The following ITPR2 variants were observed in gnomAD, a reference collection of about 807,000 sequenced individuals.
ITPR2 encodes inositol 1,4,5-trisphosphate receptor type 2.
A neutral mutation model predicts 317.1 loss-of-function variants in ITPR2; 207 were observed. That is an observed-to-expected ratio of 0.65 (90% confidence interval 0.58 to 0.73). The LOEUF is 0.73. Ranked by LOEUF, ITPR2 falls within the 30% of genes least tolerant of loss-of-function variation. The pLI is 0.00. For missense variants in ITPR2, 2,613 were observed against 3,284.0 expected (o/e 0.80, Z 4.99); for synonymous variants, 1,156 against 1,149.1 (o/e 1.01, Z -0.12).
intron 52 of ITPR2, 90 bp from the exon 53 acceptor site, chr12:26,400,348 T>C (rs1591991026): frequency 3.6e-6 from 2 of 548,520 alleles, no homozygotes; most frequent in Admixed American, 4.0e-5. Context: ...ATACAATAAA[T>C]ATACATACAT....
intron 2 of ITPR2, among the ~76,000 whole-genome samples, chr12:26,731,699 G>A (rs2137062819): frequency 6.6e-6 from 1 of 152,302 alleles, no homozygotes; most frequent in East Asian, 1.9e-4. Flanking sequence ...TCAGGAGGCT[G>A]AGACAAGAGG....
At chr12:26,539,038 C>T (rs4414322) in intron 37 of ITPR2, among the ~76,000 whole-genome samples, 86,033 of 152,084 alleles carry the variant, frequency 0.57, 28,274 homozygotes, top group Non-Finnish European at 0.76. Flanking sequence ...GCCTAGTCAA[C>T]AGCAGTTAAA....
At chr12:26,618,812 TATGTTAGAGAAA>T (rs61640346) in intron 26 of ITPR2, among the ~76,000 whole-genome samples, 54,456 of 151,810 alleles carry the variant, frequency 0.36, 10,860 homozygotes, top group African/African-American at 0.54. Flanking sequence ...TGTAATAATA[TATGTTAGAGAAA>T]ATGAATGAGT....
chr12:26,514,860 G>A (rs982652271), intron 37 of ITPR2, among the ~76,000 whole-genome samples: 4 of 152,078 alleles, frequency 2.6e-5, no homozygotes, highest in Non-Finnish European at 4.4e-5. Flanking sequence ...AATTTGTATT[G>A]TAGCTATGAC....
At chr12:26,387,335 T>C (rs544520132) in intron 55 of ITPR2, 99 bp downstream of exon 55, 19 of 1,125,688 alleles carry the variant, frequency 1.7e-5, no homozygotes, top group Admixed American at 2.2e-5. Context: ...CAAAAAATGA[T>C]TGCTACAATC....
chr12:26,427,106 TCCTAATTACAGATA>T (rs1721084114), intron 49 of ITPR2, among the ~76,000 whole-genome samples: 1 of 152,046 alleles, frequency 6.6e-6, no homozygotes, highest in Admixed American at 6.6e-5. Flanking sequence ...GGGAGACTAG[TCCTAATTACAGATA>T]CCAGAATGTA....
At chr12:26,458,953 TC>T (rs1341822345) in intron 45 of ITPR2, among the ~76,000 whole-genome samples, 1 of 152,282 alleles carries the variant, frequency 6.6e-6, no homozygotes, top group East Asian at 1.9e-4. Flanking sequence ...TAGCGGGCCT[TC>T]CCCGATGAGA....
At chr12:26,690,735 A>T (rs1409815144) in intron 10 of ITPR2, among the ~76,000 whole-genome samples, 4 of 152,146 alleles carry the variant, frequency 2.6e-5, no homozygotes, top group Non-Finnish European at 5.9e-5. Flanking sequence ...GTAGTCAGGG[A>T]CCTCTCTATT....
At chr12:26,540,064 T>C (rs186197166) in intron 37 of ITPR2, among the ~76,000 whole-genome samples, 3 of 152,326 alleles carry the variant, frequency 2.0e-5, no homozygotes, top group African/African-American at 4.8e-5. Flanking sequence ...TACCATTTTG[T>C]GGAGGGTGGG....
chr12:26,498,474 C>T (rs1942996237), intron 37 of ITPR2, among the ~76,000 whole-genome samples: 1 of 152,214 alleles, frequency 6.6e-6, no homozygotes, highest in Admixed American at 6.5e-5. Flanking sequence ...ATTACTGCGA[C>T]TCTCATTATA....
At chr12:26,813,829 C>A (rs1950799722) in intron 1 of ITPR2, among the ~76,000 whole-genome samples, 1 of 152,168 alleles carries the variant, frequency 6.6e-6, no homozygotes, top group African/African-American at 2.4e-5. Flanking sequence ...ATACCAAAAT[C>A]ATTAAAGGCT....
intron 49 of ITPR2, among the ~76,000 whole-genome samples, chr12:26,423,297 G>A (rs571663305): frequency 7.2e-5 from 11 of 152,222 alleles, no homozygotes; most frequent in East Asian, 1.9e-4. Flanking sequence ...TCGACCTTAC[G>A]AATTAGCAGT....
intron 52 of ITPR2, among the ~76,000 whole-genome samples, chr12:26,406,294 G>A (rs1201920154): frequency 6.6e-6 from 1 of 151,764 alleles, no homozygotes; most frequent in Non-Finnish European, 1.5e-5. Flanking sequence ...CCTTTTTTCT[G>A]TACATTCGAA....
At chr12:26,440,889 G>A (rs1941473186) in intron 46 of ITPR2, among the ~76,000 whole-genome samples, 1 of 152,130 alleles carries the variant, frequency 6.6e-6, no homozygotes, top group Non-Finnish European at 1.5e-5. Flanking sequence ...ACAAACTGGA[G>A]GGATTACTGA....
chr12:26,376,022 C>A (rs920823256), intron 55 of ITPR2, among the ~76,000 whole-genome samples: 1 of 152,132 alleles, frequency 6.6e-6, no homozygotes, highest in Non-Finnish European at 1.5e-5. Flanking sequence ...ATCACCTGAG[C>A]CTTGGGAGGC....
At chr12:26,813,351 G>C (rs1209912585) in intron 1 of ITPR2, among the ~76,000 whole-genome samples, 1 of 152,116 alleles carries the variant, frequency 6.6e-6, no homozygotes, top group African/African-American at 2.4e-5. Context: ...TACACATAAA[G>C]AGCCACAATT....
At chr12:26,779,619 G>A (rs1950041720) in intron 2 of ITPR2, among the ~76,000 whole-genome samples, 2 of 152,188 alleles carry the variant, frequency 1.3e-5, no homozygotes, top group Non-Finnish European at 2.9e-5. Context: ...CTAGGGCCTG[G>A]TTCGCAGATA....
chr12:26,599,945 G>C lies in ITPR2; in HGVS notation c.3801+42C>G, dbSNP rs567753673. 6.1e-6 allele frequency: 9 copies of C among 1,473,988 alleles called. No homozygotes were observed. The Admixed American group carries it at 8.8e-5, about 14-fold the overall frequency. The allele number at this position is 1,473,988 out of a possible 1,614,324, so 91.3% of individuals were successfully genotyped here. A position where few individuals can be genotyped will look rare whatever the true frequency, so the allele number is the denominator to read the frequency against. On this transcript the variant is annotated intron_variant, in intron 29 of 56. Coordinates refer to ENST00000381340, the MANE Select transcript of ITPR2 (RefSeq NM_002223.4). ...TGAATGTTACTGAGACAAATTTGAT[G>C]CACACTTTACTAGAAATACTAGAAG...
chr12:26,633,338 A>G (rs568410685), intron 21 of ITPR2, among the ~76,000 whole-genome samples: 1 of 152,352 alleles, frequency 6.6e-6, no homozygotes, highest in African/African-American at 2.4e-5. Context: ...GCCTTTGAAA[A>G]TTCATTATCT....
Sources: allele counts gnomAD v4.1 joint callset (sites outside exome capture counted in the v4.1 genomes callset), GRCh38; gene constraint gnomAD v4.1.1; transcripts MANE v1.5; gene names NCBI Gene and HGNC (gene_info 2026-07-23, HGNC 2026-07-21).